CPS1: variants seen among roughly 807,000 people sequenced by gnomAD.
CPS1 encodes the protein carbamoyl-phosphate synthase [ammonia], mitochondrial.
Under a neutral mutation model 174.6 loss-of-function variants are expected in CPS1, and 109 were observed. The observed-to-expected ratio is 0.62, with a 90% CI of 0.53 to 0.73. The LOEUF is 0.73. Ranked by LOEUF, CPS1 falls within the 30% of genes least tolerant of loss-of-function variation. The pLI is 0.00. For synonymous variants in CPS1, 637 were observed against 632.0 expected (o/e 1.01, Z -0.12); for missense variants, 1,689 against 1,821.9 (o/e 0.93, Z 1.33).
intron 21 of CPS1, chr2:210,618,806 G>A (rs1001608674): frequency 2.0e-5 from 3 of 152,034 alleles, no homozygotes; most frequent in African/African-American, 7.2e-5. Context: ...AATATCCAGG[G>A]AGGCTTAGTC....
At chr2:210,518,638 T>C (rs1374583613) in intron 1 of CPS1, among the ~76,000 whole-genome samples, 1 of 152,048 alleles carries the variant, frequency 6.6e-6, no homozygotes, top group East Asian at 1.9e-4. Context: ...TCTCATTCTG[T>C]GTAGCCTCAT....
intron 1 of CPS1, among the ~76,000 whole-genome samples, chr2:210,528,716 G>C (rs969730312): frequency 6.6e-6 from 1 of 151,698 alleles, no homozygotes; most frequent in African/African-American, 2.4e-5. Flanking sequence ...TGAGTGTGGG[G>C]GAGGCAGATC....
intron 27 of CPS1, among the ~76,000 whole-genome samples, chr2:210,649,494 A>G (rs1700496415): frequency 1.3e-5 from 2 of 152,220 alleles, no homozygotes. Flanking sequence ...AGAAATTTGT[A>G]ATAGGATAAA....
At chr2:210,631,552 A>G (rs1699871578) in intron 21 of CPS1, among the ~76,000 whole-genome samples, 1 of 152,222 alleles carries the variant, frequency 6.6e-6, no homozygotes, top group Non-Finnish European at 1.5e-5. Context: ...TAAAAGTCTG[A>G]TGGTCTGGTT....
chr2:210,576,174 T>A (rs1308873355), intron 2 of CPS1, among the ~76,000 whole-genome samples, 172 bp from the exon 3 acceptor site: 1 of 152,196 alleles, frequency 6.6e-6, no homozygotes, highest in East Asian at 1.9e-4. Context: ...GACATCGTGG[T>A]ATAAATTTTT....
At chr2:210,572,103 C>T (rs1697518907) in intron 1 of CPS1, among the ~76,000 whole-genome samples, 1 of 151,836 alleles carries the variant, frequency 6.6e-6, no homozygotes, top group Non-Finnish European at 1.5e-5. Context: ...CATGGCCAGA[C>T]TTCTTTTCTC....
chr2:210,647,855 T>C lies in CPS1; in HGVS notation c.3142-8T>C. 1 of 1,613,870 alleles carries C rather than the reference T, an allele frequency of 6.2e-7. No homozygotes were observed. The highest frequency in any genetic ancestry group is 8.5e-7 in the Non-Finnish European group (1 of 1,179,818). On this transcript the variant is annotated splice_region_variant and splice_polypyrimidine_tract_variant and intron_variant, in intron 25 of 37. Transcript: ENST00000233072. ...TCCAATGGCTGATATTGTGAGTGTA[T>C]TTTCCAGGCATGTGGTGGCTGCATC...
intron 1 of CPS1, among the ~76,000 whole-genome samples, chr2:210,488,162 C>T (rs917828791): frequency 4.6e-4 from 69 of 149,422 alleles, no homozygotes; most frequent in Non-Finnish European, 8.3e-4. Context: ...TTGCATTATC[C>T]TTTTTTTTTT....
At position 210,573,473 on chromosome 2, in the gene CPS1, A is replaced by G; in HGVS notation, c.236+66A>G. Reference sequence around the variant, plus strand: ...GAGAAATAACTGGAAGATCTCACTCATGGTGGTAAGTTGAAATCACTGCAT... The same window carrying G: ...GAGAAATAACTGGAAGATCTCACTCGTGGTGGTAAGTTGAAATCACTGCAT... On this transcript the variant is annotated intron_variant, in intron 2 of 37. Coordinates refer to ENST00000233072, the MANE Select transcript of CPS1 (RefSeq NM_001875.5). The G allele has an allele frequency of 2.4e-6, 3 of 1,229,276 alleles. No homozygotes were observed. In the South Asian group the frequency reaches 3.6e-5, roughly 15 times the overall value. The allele number at this position is 1,229,276 out of a possible 1,614,324, so 76.1% of individuals were successfully genotyped here. A position where few individuals can be genotyped will look rare whatever the true frequency, so the allele number is the denominator to read the frequency against.
intron 1 of CPS1, among the ~76,000 whole-genome samples, chr2:210,489,863 T>C (rs1370489512): frequency 1.3e-5 from 2 of 151,962 alleles, no homozygotes; most frequent in Admixed American, 1.3e-4. Context: ...CCGGGCGTGG[T>C]GGCGGACGCC....
chr2:210,663,816 C>T (rs892103380), intron 33 of CPS1, among the ~76,000 whole-genome samples: 12 of 152,014 alleles, frequency 7.9e-5, no homozygotes, highest in East Asian at 7.7e-4. Context: ...AAAGTTCTCT[C>T]CATGTCAGTG....
chr2:210,600,005 T>G (rs142577999), intron 14 of CPS1, among the ~76,000 whole-genome samples: 1 of 151,902 alleles, frequency 6.6e-6, no homozygotes, highest in Non-Finnish European at 1.5e-5. Context: ...TTCTGCTGAG[T>G]CTACTGCTTT....
intron 21 of CPS1, among the ~76,000 whole-genome samples, chr2:210,620,368 G>A (rs771982646): frequency 2.6e-5 from 4 of 152,072 alleles, no homozygotes; most frequent in Non-Finnish European, 5.9e-5. Flanking sequence ...CTCTTTGAAG[G>A]GGAGAGATAA....
chr2:210,490,078 A>AGGAAGGAG (rs1474568872), intron 1 of CPS1, among the ~76,000 whole-genome samples: 1 of 151,814 alleles, frequency 6.6e-6, no homozygotes, highest in Non-Finnish European at 1.5e-5. Context: ...GAAGGAAGGA[A>AGGAAGGAG]GGATGAAGAA....
At chr2:210,634,218 C>G (rs1699960045) in intron 21 of CPS1, among the ~76,000 whole-genome samples, 1 of 152,182 alleles carries the variant, frequency 6.6e-6, no homozygotes, top group Admixed American at 6.5e-5. Context: ...ATCACAAGGT[C>G]AGGAGATCAA....
At chr2:210,618,822 G>C in intron 21 of CPS1, 1 of 152,026 alleles carries the variant, frequency 6.6e-6, no homozygotes, top group East Asian at 1.9e-4. Context: ...TAGTCATCAA[G>C]GTACGTACTG....
chr2:210,574,848 A>G (rs189467412), intron 2 of CPS1, among the ~76,000 whole-genome samples: 21 of 144,106 alleles, frequency 1.5e-4, no homozygotes, highest in Admixed American at 4.2e-4. Flanking sequence ...AGAAAGAAGA[A>G]AGAGAAGTAA....
chr2:210,483,172 G>A (rs1234140343), intron 1 of CPS1, among the ~76,000 whole-genome samples: 9 of 152,012 alleles, frequency 5.9e-5, no homozygotes, highest in East Asian at 1.9e-4. Context: ...GCAAAGTAAC[G>A]CTGAGGGTAC....
chr2:210,519,912 G>A (rs995748587), intron 1 of CPS1: 7 of 355,520 alleles, frequency 2.0e-5, no homozygotes, highest in Non-Finnish European at 2.7e-5. Context: ...AGAGGCAGCT[G>A]TGGTAGCTGT....
Sources: allele counts gnomAD v4.1 joint callset (sites outside exome capture counted in the v4.1 genomes callset), GRCh38; gene constraint gnomAD v4.1.1; transcripts MANE v1.5; gene names NCBI Gene and HGNC (gene_info 2026-07-23, HGNC 2026-07-21).